The following DCDC1 variants were observed in gnomAD, a reference collection of about 807,000 sequenced individuals.
DCDC1 encodes the protein doublecortin domain containing 1.
DCDC1 carries 200 observed loss-of-function variants against 178.3 expected under a neutral mutation model. The observed-to-expected ratio is 1.12, with a 90% CI of 1.00 to 1.26. DCDC1 has a LOEUF of 1.26. Among genes scored for constraint, DCDC1 ranks in the 50% most tolerant of loss-of-function variants. The pLI, the probability that DCDC1 is intolerant of heterozygous loss-of-function variation, is 0.00. For missense variants in DCDC1, 1,983 were observed against 1,749.2 expected, an observed-to-expected ratio of 1.13 and a Z score of -2.38; for synonymous variants, 690 against 604.8, an observed-to-expected ratio of 1.14 and a Z score of -2.07.
rs929789110 is a variant in DCDC1, at chr11:30,903,840, C to T, written c.4309-157G>A. On this transcript the variant is annotated intron_variant, in intron 31 of 38. Coordinates refer to ENST00000684477, the MANE Select transcript of DCDC1 (RefSeq NM_001387274.1). Reference sequence around the variant, plus strand: ...AATGATGCTGATCTTTGATTACAGACTATTTTGGATATTAGATTGTCCTAC... The same window carrying T: ...AATGATGCTGATCTTTGATTACAGATTATTTTGGATATTAGATTGTCCTAC... The T allele has an allele frequency of 1.1e-5, 7 of 649,288 alleles. No individual in the cohort carries two copies. The East Asian group carries it at 1.8e-4, about 17-fold the overall frequency. 40.2% of individuals were successfully genotyped at this position (649,288 alleles called of 1,614,324 possible).
intron 9 of DCDC1, among the ~76,000 whole-genome samples, chr11:31,192,898 C>A (rs944116317): frequency 6.6e-5 from 10 of 152,238 alleles, no homozygotes; most frequent in African/African-American, 2.2e-4. Flanking sequence ...GATCATCATA[C>A]AATTCCTTGA....
At chr11:31,305,388 T>C (rs1948387413) in intron 6 of DCDC1, among the ~76,000 whole-genome samples, 1 of 152,178 alleles carries the variant, frequency 6.6e-6, no homozygotes, top group South Asian at 2.1e-4. Flanking sequence ...CTAATGTCTA[T>C]TCAGATCTAT....
chr11:31,222,470 T>C (rs1974383888), intron 9 of DCDC1, among the ~76,000 whole-genome samples: 1 of 152,222 alleles, frequency 6.6e-6, no homozygotes, highest in Non-Finnish European at 1.5e-5. Flanking sequence ...AGTCTGTACC[T>C]ATCACTCAGT....
chr11:31,021,479 C>T (rs1025779714), intron 20 of DCDC1, among the ~76,000 whole-genome samples: 2 of 151,950 alleles, frequency 1.3e-5, no homozygotes, highest in African/African-American at 2.4e-5. Context: ...GAGGTACAAA[C>T]AGTATATGCA....
At position 31,109,228 on chromosome 11, in the gene DCDC1, C is replaced by T. The variant is rs1959042963; in HGVS notation, c.1587+1032G>A. Among the ~76,000 whole-genome samples the T allele has an allele frequency of 3.3e-5, 5 of 151,770 alleles. No individual in the cohort carries two copies. In the South Asian group the frequency reaches 6.2e-4, roughly 19 times the overall value. On this transcript the variant is annotated intron_variant, in intron 12 of 38. Transcript: ENST00000684477. ...CAGCATCCCAGGCTCAAGTGATCCCCCCACCTCAGCCCCCGAGTAACTGGG... is the reference window on the plus strand; with the variant it reads ...CAGCATCCCAGGCTCAAGTGATCCCTCCACCTCAGCCCCCGAGTAACTGGG...
intron 1 of DCDC1, among the ~76,000 whole-genome samples, chr11:31,347,259 A>T (rs1258853480): frequency 6.6e-6 from 1 of 152,164 alleles, no homozygotes; most frequent in South Asian, 2.1e-4. Context: ...GGTTCTCATA[A>T]TTCCTTCACA....
intron 21 of DCDC1, among the ~76,000 whole-genome samples, chr11:30,940,324 C>A (rs1947549834): frequency 6.6e-6 from 1 of 152,100 alleles, no homozygotes; most frequent in African/African-American, 2.4e-5. Context: ...AGATGCCAGA[C>A]CCCCAGTTGT....
intron 24 of DCDC1, 123 bp from the exon 25 acceptor site, chr11:30,921,058 T>C (rs1946219886): frequency 4.2e-6 from 4 of 957,104 alleles, no homozygotes; most frequent in Non-Finnish European, 5.8e-6. Context: ...ATTCATAGGT[T>C]ACTTATTAAA....
At chr11:31,364,239 C>A (rs1951845574) in intron 1 of DCDC1, among the ~76,000 whole-genome samples, 1 of 152,144 alleles carries the variant, frequency 6.6e-6, no homozygotes. Flanking sequence ...AATCCCATCA[C>A]ATGTCAAGGA....
chr11:31,077,689 A>G (rs1956949648), intron 18 of DCDC1, among the ~76,000 whole-genome samples, 176 bp downstream of exon 18: 1 of 151,182 alleles, frequency 6.6e-6, no homozygotes, highest in Non-Finnish European at 1.5e-5. Context: ...TTTAAAATTA[A>G]AAAAAAAAGT....
chr11:30,998,693 A>G, intron 20 of DCDC1, among the ~76,000 whole-genome samples: 1 of 152,202 alleles, frequency 6.6e-6, no homozygotes, highest in East Asian at 1.9e-4. Flanking sequence ...GCTCAAACTT[A>G]TGGTATCTCC....
At chr11:31,213,982 G>T (rs1973202855) in intron 9 of DCDC1, among the ~76,000 whole-genome samples, 1 of 152,014 alleles carries the variant, frequency 6.6e-6, no homozygotes, top group Admixed American at 6.5e-5. Context: ...TATCTCTGGG[G>T]AATAGTTTTG....
chr11:31,113,834 A>G (rs1384645626), intron 11 of DCDC1, among the ~76,000 whole-genome samples: 1 of 152,188 alleles, frequency 6.6e-6, no homozygotes, highest in Non-Finnish European at 1.5e-5. Context: ...ACACAATTTC[A>G]TTGGTCATTT....
intron 36 of DCDC1, among the ~76,000 whole-genome samples, chr11:30,887,222 A>G (rs273578): frequency 0.1 from 15,414 of 152,220 alleles, 965 homozygotes; most frequent in Admixed American, 0.19. Flanking sequence ...ATTCATGTTC[A>G]ATATTTTATC....
intron 24 of DCDC1, 127 bp from the exon 25 acceptor site, chr11:30,921,062 T>C (rs1226277571): frequency 1.1e-6 from 1 of 892,382 alleles, no homozygotes; most frequent in Non-Finnish European, 1.6e-6. Context: ...ATAGGTTACT[T>C]ATTAAACTCA....
chr11:31,312,165 C>G (rs1042777476), intron 3 of DCDC1, among the ~76,000 whole-genome samples: 6 of 152,148 alleles, frequency 3.9e-5, no homozygotes, highest in African/African-American at 1.4e-4. Context: ...TATAGGGACT[C>G]TCATCCAGGC....
intron 36 of DCDC1, among the ~76,000 whole-genome samples, chr11:30,888,102 GAAAGAAAGAAAGAA>G (rs1943406969): frequency 4.2e-5 from 2 of 47,666 alleles, no homozygotes; most frequent in African/African-American, 1.7e-4. Context: ...GAAAGAAAAA[GAAAGAAAGAAAGAA>G]AGAAAGAAAG....
rs1472724832 is a variant in DCDC1 at position 31,005,969 on chromosome 11, A to AC, written c.2592-53402_2592-53401insG. ...TTATTCCTGAAAAAAAAAAAAAAAA[A>AC]AAAAAAAAACTTTTGGTCCTATTGA... On this transcript the variant is annotated intron_variant, in intron 20 of 38. Transcript: ENST00000684477. Among the ~76,000 whole-genome samples, 131 of 151,084 alleles carry AC rather than the reference A, an allele frequency of 8.7e-4. 1 individual carries two copies. The highest frequency in any genetic ancestry group is 3.1e-3 in the African/African-American group (128 of 40,988).
intron 7 of DCDC1, among the ~76,000 whole-genome samples, chr11:31,283,737 T>G (rs183217145): frequency 6.6e-6 from 1 of 152,216 alleles, no homozygotes; most frequent in East Asian, 1.9e-4. Flanking sequence ...TTCCTGGCAG[T>G]TGTTTGTGTC....
Sources: allele counts gnomAD v4.1 joint callset (sites outside exome capture counted in the v4.1 genomes callset), GRCh38; gene constraint gnomAD v4.1.1; transcripts MANE v1.5; gene names NCBI Gene and HGNC (gene_info 2026-07-23, HGNC 2026-07-21).